Variants in GASK1A observed in about 807,000 individuals in gnomAD.
The protein encoded by GASK1A is golgi associated kinase 1A.
In GASK1A, 40 loss-of-function variants were observed where a neutral mutation model predicts 41.2. The ratio of observed to expected loss-of-function variants is 0.97; its 90% CI spans 0.75 to 1.27. The LOEUF is 1.27. Ranked by LOEUF, GASK1A falls within the 50% of genes most tolerant of loss-of-function variation. GASK1A has a pLI of 0.00. For synonymous variants in GASK1A, 316 were observed against 307.1 expected, an observed-to-expected ratio of 1.03 and a Z score of -0.30; for missense variants, 678 against 745.1, an observed-to-expected ratio of 0.91 and a Z score of 1.05.
At chr3:43,017,791 G>A (rs1018524675) in intron 1 of GASK1A, among the ~76,000 whole-genome samples, 9 of 151,406 alleles carry the variant, frequency 5.9e-5, no homozygotes, top group Non-Finnish European at 8.8e-5. Flanking sequence ...AGAAGTCTCA[G>A]GGAGGGATAG....
intron 1 of GASK1A, among the ~76,000 whole-genome samples, chr3:42,988,056 G>A (rs2089321612): frequency 6.8e-6 from 1 of 147,404 alleles, no homozygotes; most frequent in African/African-American, 2.5e-5. Flanking sequence ...TTGTGTGTAC[G>A]GGTTTATTTA....
At chr3:42,980,493 T>C (rs918831760) in intron 1 of GASK1A, among the ~76,000 whole-genome samples, 1 of 152,190 alleles carries the variant, frequency 6.6e-6, no homozygotes, top group Non-Finnish European at 1.5e-5. Context: ...CCTGCTCGCC[T>C]CTTCCCTTTC....
chr3:43,010,859 A>G (rs1052941321), intron 1 of GASK1A, among the ~76,000 whole-genome samples: 1 of 152,222 alleles, frequency 6.6e-6, no homozygotes, highest in Non-Finnish European at 1.5e-5. Flanking sequence ...GCAGACAGCC[A>G]TGGACACATG....
chr3:42,979,432 C>G lies in GASK1A; in HGVS notation c.-211C>G. 2.4e-6 allele frequency: 1 copy of G among 424,730 alleles called. No individual in the cohort carries two copies. 26.3% of individuals were successfully genotyped at this position (424,730 alleles called of 1,614,324 possible). ...TGTATTCCCCACCCGCGGAGTATCC[C>G]GGTGTGCAGCGATCTCCCGAGAGTT... On this transcript the variant is annotated 5_prime_UTR_variant, in exon 1 of 5. Coordinates refer to ENST00000430121, the MANE Select transcript of GASK1A (RefSeq NM_001129908.3).
At chr3:42,998,423 C>A (rs2089388427) in intron 1 of GASK1A, among the ~76,000 whole-genome samples, 1 of 152,164 alleles carries the variant, frequency 6.6e-6, no homozygotes, top group Non-Finnish European at 1.5e-5. Flanking sequence ...TTGCCCTTTG[C>A]TGTAGCTTGT....
In GASK1A at chr3:43,032,768, A is replaced by T; in HGVS notation, c.505A>T (p.Thr169Ser). ...PIQETQSEVV[T>S]LVSPLPGSDM... ...CCAGGAGACACAGAGTGAGGTGGTC[A>T]CCCTGGTCAGTCCACTCCCAGGGAG... The change falls in exon 2 of 5, where the codon ACC becomes TCC. Residue 169 changes from threonine (T) to serine (S), a missense_variant. By Grantham distance (58) the Thr-to-Ser change is moderately conservative. Transcript: ENST00000430121. 1 of 1,551,106 alleles carries T rather than the reference A, an allele frequency of 6.4e-7. No individual in the cohort carries two copies. Among genetic ancestry groups the T allele is most frequent in the Non-Finnish European group, 8.7e-7 (1 of 1,146,976 alleles).
intron 1 of GASK1A, among the ~76,000 whole-genome samples, chr3:42,997,444 G>GGC (rs2089382796): frequency 2.0e-5 from 3 of 151,834 alleles, no homozygotes; most frequent in Non-Finnish European, 2.9e-5. Flanking sequence ...GAGAGGGGGG[G>GGC]GGGATCTGGG....
At chr3:42,993,698 C>T (rs1259769010) in intron 1 of GASK1A, among the ~76,000 whole-genome samples, 1 of 152,160 alleles carries the variant, frequency 6.6e-6, no homozygotes, top group Admixed American at 6.5e-5. Context: ...TGCCTAAAAG[C>T]ATCTTTCCCC....
At position 43,056,563 on chromosome 3, in the gene GASK1A, C is replaced by G. The variant is rs749428678; in HGVS notation, c.*177C>G. The G allele has an allele frequency of 1.8e-5, 10 of 558,754 alleles. No homozygotes were observed. The highest frequency in any genetic ancestry group is 3.2e-5 in the Non-Finnish European group (10 of 317,082). 34.6% of individuals were successfully genotyped at this position (558,754 alleles called of 1,614,324 possible). On this transcript the variant is annotated 3_prime_UTR_variant, in exon 5 of 5. Coordinates refer to ENST00000430121, the MANE Select transcript of GASK1A (RefSeq NM_001129908.3). ...ATGGGGTTTTCAATCTCAAAGCGTCCCTTTCTGCCTTCTCGGCTCTGGCTA... is the reference window on the plus strand; with the variant it reads ...ATGGGGTTTTCAATCTCAAAGCGTCGCTTTCTGCCTTCTCGGCTCTGGCTA...
chr3:43,052,570 G>A (rs149042731), intron 2 of GASK1A, among the ~76,000 whole-genome samples: 1 of 152,260 alleles, frequency 6.6e-6, no homozygotes, highest in East Asian at 1.9e-4. Context: ...CATCCTGTGT[G>A]TGATGGTGAT....
chr3:43,000,074 C>T (rs2089401155), intron 1 of GASK1A, among the ~76,000 whole-genome samples: 2 of 152,146 alleles, frequency 1.3e-5, no homozygotes, highest in Non-Finnish European at 2.9e-5. Flanking sequence ...TGCAAAGGTC[C>T]CAGGTCCCAG....
chr3:43,016,655 G>T (rs1014833802), intron 1 of GASK1A, among the ~76,000 whole-genome samples: 6 of 151,888 alleles, frequency 4.0e-5, no homozygotes, highest in Non-Finnish European at 8.8e-5. Flanking sequence ...ACAGGAAGGG[G>T]AAGTGGGAAG....
At chr3:42,985,191 G>A in intron 1 of GASK1A, among the ~76,000 whole-genome samples, 1 of 152,144 alleles carries the variant, frequency 6.6e-6, no homozygotes, top group Admixed American at 6.5e-5. Flanking sequence ...TATTCTCTTT[G>A]TCTTAGAAAA....
intron 1 of GASK1A, among the ~76,000 whole-genome samples, chr3:42,995,905 T>C (rs1347311155): frequency 6.6e-6 from 1 of 152,196 alleles, no homozygotes; most frequent in Non-Finnish European, 1.5e-5. Flanking sequence ...GCAAAATGTG[T>C]GGCTGTTAAT....
chr3:42,979,670 C>T, intron 1 of GASK1A, 25 bp downstream of exon 1: 1 of 1,245,914 alleles, frequency 8.0e-7, no homozygotes, highest in African/African-American at 1.5e-5. Flanking sequence ...AAGGAACGCG[C>T]GAGCGGAGGG....
At chr3:43,053,405 ACCCCT>A in intron 2 of GASK1A, 111 bp from the exon 3 acceptor site, 1 of 1,185,506 alleles carries the variant, frequency 8.4e-7, no homozygotes, top group Non-Finnish European at 1.2e-6. Context: ...AGTGAGGGTC[ACCCCT>A]GCTGTGGCCC....
chr3:43,033,662 T>G lies in GASK1A; in HGVS notation c.1290+109T>G, dbSNP rs1396580431. On this transcript the variant is annotated intron_variant, in intron 2 of 4. Transcript: ENST00000430121. The stretch of plus-strand genomic sequence containing the variant: ...TAGATGGTGACTCTCCCCCAAGTCT[T>G]GGTTTTTTGACCACCAAGCACCTGC... The G allele has an allele frequency of 3.7e-6, 4 of 1,076,426 alleles. No homozygotes were observed. The East Asian group carries it at 1.1e-4, about 29-fold the overall frequency. The allele number at this position is 1,076,426 out of a possible 1,614,324, so 66.7% of individuals were successfully genotyped here. A position where few individuals can be genotyped will look rare whatever the true frequency, so the allele number is the denominator to read the frequency against.
intron 2 of GASK1A, among the ~76,000 whole-genome samples, chr3:43,041,941 C>A (rs2089640177): frequency 6.6e-6 from 1 of 152,178 alleles, no homozygotes; most frequent in South Asian, 2.1e-4. Context: ...AGGCCTGTGA[C>A]TGTTCCCAGT....
Position 43,032,317 on chromosome 3 carries a change from G to T in GASK1A, c.54G>T (p.Ala18=). Residue 18 remains alanine (A), a synonymous_variant, in exon 2 of 5, where the codon GCG becomes GCT. Transcript: ENST00000430121. ...KLRGKRRPVI[A]FCLLMILSAM... is the part of the protein sequence containing the mutation. ...GTGGCAAGAGGCGGCCAGTGATAGC[G>T]TTCTGCCTCTTGATGATCCTATCTG... The T allele has an allele frequency of 1.3e-6, 2 of 1,548,606 alleles. No homozygotes were observed. Among genetic ancestry groups the T allele is most frequent in the African/African-American group, 2.7e-5 (2 of 73,112 alleles).
Sources: gnomAD v4.1 joint callset for allele counts (sites outside exome capture counted in the v4.1 genomes callset) on GRCh38, gnomAD v4.1.1 for gene constraint, MANE v1.5 for transcripts, NCBI Gene and HGNC (gene_info 2026-07-23, HGNC 2026-07-21) for gene names.